The following SNX2 variants were observed in gnomAD, a reference collection of about 807,000 sequenced individuals.
SNX2 encodes sorting nexin-2.
Under a neutral mutation model 69.9 loss-of-function variants are expected in SNX2, and 25 were observed. That is an observed-to-expected ratio of 0.36 (90% CI 0.26 to 0.50). SNX2 has a LOEUF of 0.50. Ranked by LOEUF, SNX2 falls within the 20% of genes least tolerant of loss-of-function variation. SNX2 has a pLI of 0.97. For missense variants in SNX2, 551 were observed against 613.3 expected, an observed-to-expected ratio of 0.90 and a Z score of 1.07; for synonymous variants, 229 against 200.4, an observed-to-expected ratio of 1.14 and a Z score of -1.20.
chr5:122,822,255 TA>T (rs1354573040), intron 11 of SNX2, among the ~76,000 whole-genome samples: 1 of 152,150 alleles, frequency 6.6e-6, no homozygotes, highest in East Asian at 1.9e-4. Context: ...CACAGCCAGC[TA>T]ATTTTTGTAT....
intron 14 of SNX2, chr5:122,827,929 G>T (rs1754192272): frequency 3.4e-5 from 10 of 296,782 alleles, no homozygotes; most frequent in Non-Finnish European, 6.2e-5. Context: ...TGTCTTTCTA[G>T]TTTGTTTTCC....
chr5:122,794,282 G>T (rs1380451087), intron 1 of SNX2, among the ~76,000 whole-genome samples: 2 of 152,170 alleles, frequency 1.3e-5, no homozygotes, highest in Non-Finnish European at 2.9e-5. Context: ...TTGCACTCCA[G>T]CCTGGGCAAT....
chr5:122,776,373 G>C (rs1273744675), intron 1 of SNX2, among the ~76,000 whole-genome samples: 1 of 152,094 alleles, frequency 6.6e-6, no homozygotes, highest in Non-Finnish European at 1.5e-5. Flanking sequence ...GTTTTCTGCA[G>C]CTTAGTGTTA....
chr5:122,808,372 A>C lies in SNX2; in HGVS notation c.722+17A>C. 1 of 1,524,372 alleles carries C rather than the reference A, an allele frequency of 6.6e-7. No homozygotes were observed. Among genetic ancestry groups the C allele is most frequent in the Non-Finnish European group, 9.0e-7 (1 of 1,105,720 alleles). The allele number at this position is 1,524,372 out of a possible 1,614,324, so 94.4% of individuals were successfully genotyped here. On this transcript the variant is annotated intron_variant, in intron 7 of 14. Transcript: ENST00000379516. Reference sequence around the variant, plus strand: ...TCTTGAAAGGTAATTCTAGACAGCTATATTTTATTACTCTCATGTTTGTAC... The same window carrying C: ...TCTTGAAAGGTAATTCTAGACAGCTCTATTTTATTACTCTCATGTTTGTAC...
intron 7 of SNX2, among the ~76,000 whole-genome samples, chr5:122,810,152 T>C (rs1753736729): frequency 1.3e-5 from 2 of 150,652 alleles, no homozygotes; most frequent in South Asian, 4.2e-4. Flanking sequence ...CAGGGTTAAA[T>C]GGATTAAGGG....
intron 11 of SNX2, among the ~76,000 whole-genome samples, chr5:122,825,123 A>G (rs1561477519): frequency 6.6e-6 from 1 of 152,120 alleles, no homozygotes; most frequent in Admixed American, 6.5e-5. Flanking sequence ...TTACTGCTTC[A>G]TGGTTCAAAA....
At chr5:122,797,042 C>A (rs551348789) in intron 2 of SNX2, among the ~76,000 whole-genome samples, 4 of 152,200 alleles carry the variant, frequency 2.6e-5, no homozygotes, top group Admixed American at 2.0e-4. Context: ...ATTCTCCAAC[C>A]CTTGCTTCTC....
intron 1 of SNX2, 101 bp downstream of exon 1, chr5:122,775,312 A>T: frequency 6.9e-7 from 1 of 1,456,144 alleles, no homozygotes; most frequent in Non-Finnish European, 9.1e-7. Flanking sequence ...GTTTGCAAGG[A>T]CCGTCTTGGG....
At chr5:122,783,027 C>A (rs976702324) in intron 1 of SNX2, among the ~76,000 whole-genome samples, 1 of 151,874 alleles carries the variant, frequency 6.6e-6, no homozygotes, top group Non-Finnish European at 1.5e-5. Context: ...ACCTCCACCT[C>A]CCCAGTTCAA....
In SNX2 at chr5:122,818,889, T is replaced by C. The variant is rs1581644565; in HGVS notation, c.1078T>C (p.Leu360=). The C allele has an allele frequency of 6.2e-7, 1 of 1,614,004 alleles. No homozygotes were observed. ...AGGTAATTCTGAGGATCATACTGCT[T>C]TATCTAGAGCTTTGTCTCAGCTTGC... ...MLGNSEDHTA[L]SRALSQLAEV... Residue 360 remains leucine (L), a synonymous_variant, in exon 11 of 15, where the codon TTA becomes CTA. Coordinates refer to ENST00000379516, the MANE Select transcript of SNX2 (RefSeq NM_003100.4).
chr5:122,809,064 TTTGAAAAAAATAATTACA>T (rs1753712455), intron 7 of SNX2, among the ~76,000 whole-genome samples: 1 of 152,128 alleles, frequency 6.6e-6, no homozygotes, highest in South Asian at 2.1e-4. Flanking sequence ...ATGGAAAATA[TTTGAAAAAAATAATTACA>T]TCTATACTAA....
chr5:122,817,048 C>T lies in SNX2; in HGVS notation c.912+20C>T, dbSNP rs566131044. The T allele has an allele frequency of 8.4e-6, 13 of 1,542,300 alleles. No homozygotes were observed. Among genetic ancestry groups the T allele is most frequent in the African/African-American group, 1.4e-5 (1 of 73,516 alleles). ...GATGCAGTAAGAGCTGATTTTTCGG[C>T]TTGAATAATGAGATGAATTAATGAG... On this transcript the variant is annotated intron_variant, in intron 9 of 14. Coordinates refer to ENST00000379516, the MANE Select transcript of SNX2 (RefSeq NM_003100.4).
At position 122,801,896 on chromosome 5, in the gene SNX2, T is replaced by G; in HGVS notation, c.418T>G (p.Phe140Val). Reference protein sequence around the residue: ...EIEEEANGDIFDIEIGVSDPE... With the variant: ...EIEEEANGDIVDIEIGVSDPE... ...TGAAGAAGAAGCAAATGGAGACATT[T>G]TTGACATAGAAATTGGTGTATCAGA... Residue 140 changes from phenylalanine to valine, a missense_variant, in exon 4 of 15, where the codon TTT (phenylalanine) becomes GTT (valine). Transcript: ENST00000379516. 1.2e-6 allele frequency: 2 copies of G among 1,602,212 alleles called. No individual in the cohort carries two copies. Among genetic ancestry groups the G allele is most frequent in the South Asian group, 2.2e-5 (2 of 89,186 alleles).
rs572358553 is a variant in SNX2 at position 122,833,464 on chromosome 5, T to C, written c.*3816T>C. The C allele has an allele frequency of 6.6e-6, 1 of 152,282 alleles. No homozygotes were observed. Among genetic ancestry groups the C allele is most frequent in the African/African-American group, 2.4e-5 (1 of 41,544 alleles). The allele number at this position is 152,282 out of a possible 1,614,324, so 9.4% of individuals were successfully genotyped here. On this transcript the variant is annotated 3_prime_UTR_variant, in exon 15 of 15. Coordinates refer to ENST00000379516, the MANE Select transcript of SNX2 (RefSeq NM_003100.4). ...ATCCAGTAGCTCCAAAATATTATTT[T>C]AATATGTAATCCAATATATTGAAGT...
chr5:122,820,614 A>G (rs1754002387), intron 11 of SNX2, among the ~76,000 whole-genome samples: 1 of 152,080 alleles, frequency 6.6e-6, no homozygotes, highest in Admixed American at 6.5e-5. Flanking sequence ...CTGCCTGTGT[A>G]ATGGATATTG....
At chr5:122,793,785 C>T (rs1449661162) in intron 1 of SNX2, among the ~76,000 whole-genome samples, 1 of 151,432 alleles carries the variant, frequency 6.6e-6, no homozygotes, top group African/African-American at 2.4e-5. Context: ...TGATGGCAGA[C>T]ACCTGTAATC....
At chr5:122,822,453 C>T (rs532133904) in intron 11 of SNX2, among the ~76,000 whole-genome samples, 7 of 152,238 alleles carry the variant, frequency 4.6e-5, no homozygotes, top group South Asian at 4.1e-4. Context: ...TTATCTATTT[C>T]GAATAGGTGC....
chr5:122,827,415 G>T lies in SNX2; in HGVS notation c.1393G>T (p.Glu465Ter). 6.2e-7 allele frequency: 1 copy of T among 1,613,450 alleles called. No individual in the cohort carries two copies. Among genetic ancestry groups the T allele is most frequent in the South Asian group, 1.1e-5 (1 of 91,030 alleles). Residue 465 changes from glutamate (E) to a stop codon, truncating the protein, a stop_gained, in exon 13 of 15, where the codon GAA becomes TAA. Transcript: ENST00000379516. LOFTEE classifies it high-confidence loss of function. The stretch of plus-strand genomic sequence containing the variant: ...AGTGCAACAAGGGGAAAGAGATTTT[G>T]AACAGATATCTAAAACGATTCGAAA... The part of the protein sequence containing the change: ...AKVQQGERDF[E>*]QISKTIRKEV...
chr5:122,816,038 CTATA>C lies in SNX2; in HGVS notation c.798+72_798+75del, dbSNP rs1325121333. 5.0e-5 allele frequency: 38 copies of C among 760,478 alleles called. 1 individual carries two copies. The highest frequency in any genetic ancestry group is 8.6e-5 in the East Asian group (3 of 34,952). The allele number at this position is 760,478 out of a possible 1,614,324, so 47.1% of individuals were successfully genotyped here. A position where few individuals can be genotyped will look rare whatever the true frequency, so the allele number is the denominator to read the frequency against. On this transcript the variant is annotated intron_variant, in intron 8 of 14. Transcript: ENST00000379516. ...TTATTTGTCATTGTAATGTATATGA[CTATA>C]TATAGTAAATAATTGAGTTAATAGA...
Sources: allele counts gnomAD v4.1 joint callset (sites outside exome capture counted in the v4.1 genomes callset), GRCh38; gene constraint gnomAD v4.1.1; transcripts MANE v1.5; gene names NCBI Gene and HGNC (gene_info 2026-07-23, HGNC 2026-07-21).